NINL: variants seen among roughly 807,000 people sequenced by gnomAD.
NINL encodes ninein like.
Under a neutral mutation model 160.3 loss-of-function variants are expected in NINL, and 153 were observed. The observed-to-expected ratio is 0.95, with a 90% CI of 0.84 to 1.09. The LOEUF is 1.09. NINL is among the 50% of genes least tolerant of loss of function. NINL has a pLI of 0.00. For synonymous variants in NINL, 800 were observed against 734.8 expected, an observed-to-expected ratio of 1.09 and a Z score of -1.43; for missense variants, 1,829 against 1,764.0, an observed-to-expected ratio of 1.04 and a Z score of -0.66.
chr20:25,555,379 G>A (rs181319887), intron 1 of NINL, among the ~76,000 whole-genome samples: 1 of 152,244 alleles, frequency 6.6e-6, no homozygotes, highest in Non-Finnish European at 1.5e-5. Context: ...TCTCCATAGA[G>A]GCTATATCTA....
In NINL at chr20:25,582,510, G is replaced by A. The variant is rs149078561; in HGVS notation, c.-12+2945C>T. ...AAATCTGAAGTCCAAGTTCCTTGGA[G>A]AAGGCTTGCTATTTTCTCATTCTAC... On this transcript the variant is annotated intron_variant, in intron 1 of 23. Coordinates refer to ENST00000278886, the MANE Select transcript of NINL (RefSeq NM_025176.6). 1.4e-3 allele frequency among the ~76,000 whole-genome samples: 208 copies of A among 152,280 alleles called. 1 individual carries two copies. The highest frequency in any genetic ancestry group is 4.7e-3 in the African/African-American group (196 of 41,558).
intron 1 of NINL, among the ~76,000 whole-genome samples, chr20:25,582,073 T>C (rs936649971): frequency 1.3e-4 from 19 of 151,778 alleles, no homozygotes; most frequent in African/African-American, 4.6e-4. Context: ...CTGGCCAACA[T>C]GGTGAAACCC....
Position 25,569,559 on chromosome 20 carries a change from G to A in NINL, c.-12+15896C>T, listed in dbSNP as rs1297386595. Among the ~76,000 whole-genome samples, 6 of 152,176 alleles carry A rather than the reference G, an allele frequency of 3.9e-5. 1 individual carries two copies. Among genetic ancestry groups the A allele is most frequent in the Admixed American group, 3.9e-4 (6 of 15,280 alleles). ...AGCGGCCCATGTCTCAGAGCCTGGA[G>A]GGCAAGACAGCGATGAATGGAAGTG... On this transcript the variant is annotated intron_variant, in intron 1 of 23. Coordinates refer to ENST00000278886, the MANE Select transcript of NINL (RefSeq NM_025176.6).
At chr20:25,482,182 G>T in intron 13 of NINL, 82 bp from the exon 14 acceptor site, 14 of 1,498,648 alleles carry the variant, frequency 9.3e-6, no homozygotes, top group African/African-American at 1.4e-5. Context: ...CTCCAGGGGG[G>T]TCCCTTGCAG....
intron 1 of NINL, among the ~76,000 whole-genome samples, chr20:25,530,909 A>G (rs1311801360): frequency 6.6e-6 from 1 of 152,162 alleles, no homozygotes; most frequent in African/African-American, 2.4e-5. Flanking sequence ...TCTTATCAGG[A>G]GACAGGGTTT....
chr20:25,477,420 A>C (rs541614594), intron 16 of NINL, among the ~76,000 whole-genome samples: 2 of 152,172 alleles, frequency 1.3e-5, no homozygotes, highest in South Asian at 4.1e-4. Flanking sequence ...CCAAGCCCTC[A>C]AGGCTCCCAA....
In NINL at chr20:25,517,772, G is replaced by A. The variant is rs773625619; in HGVS notation, c.258C>T (p.Asp86=). 31 of 1,603,144 alleles carry A rather than the reference G, an allele frequency of 1.9e-5. No individual in the cohort carries two copies. Among genetic ancestry groups the A allele is most frequent in the Non-Finnish European group, 2.5e-5 (30 of 1,176,974 alleles). Residue 86 remains aspartate (D), a synonymous_variant, in exon 3 of 24, where the codon GAC becomes GAT. Coordinates refer to ENST00000278886, the MANE Select transcript of NINL (RefSeq NM_025176.6). ...TCTTACCTGATTCCAAAGAACTACT[G>A]TCTTCATCTGAGGGGCGAACACCAG... ...SNAGVRPSDE[D]SSSLESAASS...
At chr20:25,508,491 C>T (rs1261995619) in intron 5 of NINL, among the ~76,000 whole-genome samples, 1 of 152,242 alleles carries the variant, frequency 6.6e-6, no homozygotes, top group Non-Finnish European at 1.5e-5. Context: ...TGGCGGGGCA[C>T]CCTGTCTGGA....
At chr20:25,561,346 G>A (rs1270240744) in intron 1 of NINL, among the ~76,000 whole-genome samples, 1 of 152,172 alleles carries the variant, frequency 6.6e-6, no homozygotes, top group African/African-American at 2.4e-5. Flanking sequence ...GTGCTCAATG[G>A]TGCCCAGGCT....
chr20:25,576,038 A>G (rs892610067), intron 1 of NINL, among the ~76,000 whole-genome samples: 2 of 152,202 alleles, frequency 1.3e-5, no homozygotes, highest in African/African-American at 4.8e-5. Context: ...CAAACTAGGG[A>G]AATTTGACAT....
Position 25,585,522 on chromosome 20 carries a change from C to A in NINL, c.-79G>T, listed in dbSNP as rs1364034084. The A allele has an allele frequency of 6.6e-6, 1 of 152,228 alleles. No individual in the cohort carries two copies. Among genetic ancestry groups the A allele is most frequent in the African/African-American group, 2.4e-5 (1 of 41,458 alleles). 9.4% of individuals were successfully genotyped at this position (152,228 alleles called of 1,614,324 possible). On this transcript the variant is annotated 5_prime_UTR_variant, in exon 1 of 24. Coordinates refer to ENST00000278886, the MANE Select transcript of NINL (RefSeq NM_025176.6). ...GCGGCACCACCCCCGTACCGCCGGC[C>A]GCTCTTTGTGTCTGGAGGCCGCGAC...
intron 9 of NINL, 102 bp downstream of exon 9, chr20:25,498,108 G>A (rs1211883954): frequency 2.2e-6 from 3 of 1,383,512 alleles, no homozygotes; most frequent in Non-Finnish European, 3.0e-6. Context: ...GGCCATGTGG[G>A]GTGGATAAGA....
chr20:25,463,570 G>A (rs2062841950), intron 19 of NINL, among the ~76,000 whole-genome samples: 1 of 152,202 alleles, frequency 6.6e-6, no homozygotes, highest in African/African-American at 2.4e-5. Context: ...GACCACGGAG[G>A]CTCTGCTGTC....
intron 1 of NINL, among the ~76,000 whole-genome samples, chr20:25,571,907 C>T (rs2065058570): frequency 6.9e-6 from 1 of 144,028 alleles, no homozygotes; most frequent in African/African-American, 2.5e-5. Context: ...TGCTTTAGCT[C>T]AGCAAAAAAT....
At chr20:25,500,576 A>C (rs2063847349) in intron 8 of NINL, among the ~76,000 whole-genome samples, 1 of 152,226 alleles carries the variant, frequency 6.6e-6, no homozygotes, top group South Asian at 2.1e-4. Context: ...GAAATGTCTA[A>C]GCCACTAAAG....
intron 2 of NINL, among the ~76,000 whole-genome samples, chr20:25,525,801 TTGATCATGAAAGCAGGTTGCAGTCTAGGA>T (rs1353358135): frequency 7.9e-5 from 12 of 152,206 alleles, no homozygotes; most frequent in African/African-American, 2.2e-4. Flanking sequence ...TTTTAGTGTT[TTGATCATGAAAGCAGGTTGCAGTCTAGGA>T]CCAAGATCCC....
intron 14 of NINL, chr20:25,481,753 C>A (rs1038051319): frequency 1.5e-6 from 1 of 664,448 alleles, no homozygotes; most frequent in South Asian, 2.2e-5. Flanking sequence ...CCTTCAGCGT[C>A]CCTTCCTCCT....
Position 25,476,560 on chromosome 20 carries a change from G to T in NINL, c.2731C>A (p.Pro911Thr). The T allele has an allele frequency of 6.3e-7, 1 of 1,599,802 alleles. No individual in the cohort carries two copies. Among genetic ancestry groups the T allele is most frequent in the Non-Finnish European group, 8.5e-7 (1 of 1,179,806 alleles). Reference sequence around the variant, plus strand: ...ACAATATCCCCATCCACTCCACAGGGCTGCATGCGTGACCACCTCTCTGAG... The same window carrying T: ...ACAATATCCCCATCCACTCCACAGGTCTGCATGCGTGACCACCTCTCTGAG... ...GPSERWSRMQ[P>T]CGVDGDIVPK... Residue 911 changes from proline to threonine, a missense_variant, in exon 17 of 24, where the codon CCC becomes ACC. By Grantham distance (38) the Pro-to-Thr change is conservative (BLOSUM62 -1). Coordinates refer to ENST00000278886, the MANE Select transcript of NINL (RefSeq NM_025176.6).
intron 21 of NINL, 24 bp downstream of exon 21, chr20:25,461,498 C>A: frequency 7.2e-7 from 1 of 1,397,774 alleles, no homozygotes; most frequent in Non-Finnish European, 9.8e-7. Context: ...GGACCCAGTG[C>A]CTCCAGCCAT....
Sources: gnomAD v4.1 joint callset for allele counts (sites outside exome capture counted in the v4.1 genomes callset) on GRCh38, gnomAD v4.1.1 for gene constraint, MANE v1.5 for transcripts, NCBI Gene and HGNC (gene_info 2026-07-23, HGNC 2026-07-21) for gene names.